Variants in ALG9 observed in about 807,000 individuals in gnomAD.
ALG9 encodes ALG9 alpha-1,2-mannosyltransferase.
ALG9 carries 55 observed loss-of-function variants against 81.8 expected under a neutral mutation model. The observed-to-expected ratio is 0.67, with a 90% CI of 0.54 to 0.84. The LOEUF is 0.84. Among genes scored for constraint, ALG9 ranks in the 40% least tolerant of loss-of-function variants. The probability of loss-of-function intolerance (pLI) is 0.00; values close to 1 mark genes in which losing one functional copy is unlikely to be tolerated. For synonymous variants in ALG9, 278 were observed against 274.3 expected (o/e 1.01, Z -0.13); for missense variants, 629 against 745.0 (o/e 0.84, Z 1.81).
At chr11:111,848,450 T>C (rs2136981925) in intron 8 of ALG9, among the ~76,000 whole-genome samples, 1 of 151,732 alleles carries the variant, frequency 6.6e-6, no homozygotes, top group East Asian at 1.9e-4. Flanking sequence ...ATTAGCTGGG[T>C]GTGGTGGTGC....
chr11:111,811,251 G>A (rs1429277781), intron 13 of ALG9, among the ~76,000 whole-genome samples: 1 of 151,988 alleles, frequency 6.6e-6, no homozygotes, highest in Non-Finnish European at 1.5e-5. Flanking sequence ...AAAAAGTATA[G>A]AATCTTATTG....
chr11:111,868,389 G>A (rs781814252), intron 3 of ALG9, among the ~76,000 whole-genome samples: 33 of 152,232 alleles, frequency 2.2e-4, no homozygotes, highest in Non-Finnish European at 4.1e-4. Flanking sequence ...TAAGTCAGGG[G>A]CTTGGTTACT....
Position 111,788,600 on chromosome 11 carries a change from C to G in ALG9, c.1734-2080G>C, listed in dbSNP as rs567349690. 21 of 382,720 alleles carry G rather than the reference C, an allele frequency of 5.5e-5. No homozygotes were observed. The East Asian group carries it at 8.6e-4, about 16-fold the overall frequency. 23.7% of individuals were successfully genotyped at this position (382,720 alleles called of 1,614,324 possible). Reference sequence around the variant, plus strand: ...TTTACAAAAAATGTTTAAAAATTAGCCTGGCAGGGTGGCACACACCCGCAG... The same window carrying G: ...TTTACAAAAAATGTTTAAAAATTAGGCTGGCAGGGTGGCACACACCCGCAG... On this transcript the variant is annotated intron_variant, in intron 14 of 14. Coordinates refer to ENST00000616540, the MANE Select transcript of ALG9 (RefSeq NM_024740.2).
rs78512174 is a variant in ALG9 at position 111,815,267 on chromosome 11, T to A, written c.1603-5494A>T. ...ATTTTTTTTAAAAATTGGCTCAGTG[T>A]GGTGGCTCGCACTTGTAGTCCTAGC... On this transcript the variant is annotated intron_variant, in intron 13 of 14. Transcript: ENST00000616540. 6.6e-3 allele frequency among the ~76,000 whole-genome samples: 1,001 copies of A among 152,250 alleles called. 6 individuals are homozygous for A. Among genetic ancestry groups the A allele is most frequent in the Middle Eastern group, 0.051 (15 of 294 alleles).
At chr11:111,798,669 G>C (rs1488473979) in intron 14 of ALG9, among the ~76,000 whole-genome samples, 5 of 152,212 alleles carry the variant, frequency 3.3e-5, no homozygotes, top group Non-Finnish European at 5.9e-5. Context: ...GGTCTAAAAA[G>C]TGATATTGTC....
At chr11:111,865,938 A>G (rs556818174) in intron 3 of ALG9, among the ~76,000 whole-genome samples, 2 of 152,330 alleles carry the variant, frequency 1.3e-5, no homozygotes, top group African/African-American at 4.8e-5. Context: ...AAGTAGCTTT[A>G]TACTACAGAA....
In ALG9 at chr11:111,842,595, A is replaced by G. The variant is rs73558062; in HGVS notation, c.1019-1786T>C. On this transcript the variant is annotated intron_variant, in intron 9 of 14. Transcript: ENST00000616540. Reference sequence around the variant, plus strand: ...CATCGCCATGCCCGGTTAATTTTTTAATTTTTTTCGTAGTGACAGGGTCTT... The same window carrying G: ...CATCGCCATGCCCGGTTAATTTTTTGATTTTTTTCGTAGTGACAGGGTCTT... Among the ~76,000 whole-genome samples, 1,463 of 151,242 alleles carry G rather than the reference A, an allele frequency of 9.7e-3. 38 individuals are homozygous for G. Among genetic ancestry groups the G allele is most frequent in the African/African-American group, 0.034 (1,403 of 41,198 alleles).
Position 111,840,707 on chromosome 11 carries a change from G to A in ALG9, c.1121C>T (p.Pro374Leu), listed in dbSNP as rs1555122890. The A allele has an allele frequency of 6.2e-7, 1 of 1,614,036 alleles. No homozygotes were observed. ...QPHKEERFLF[P>L]VYPLICLCGA... is the part of the protein sequence containing the mutation. The stretch of plus-strand genomic sequence containing the variant: ...ACAGAGACATATAAGTGGATACACA[G>A]GGAAAAGAAATCTCTCCTCTTTGTG... The change falls in exon 10 of 15, where the codon CCT (proline) becomes CTT (leucine). Residue 374 changes from proline to leucine, a missense_variant. By Grantham distance (98) the Pro-to-Leu change is moderately conservative. Around this residue, in one of 3 missense-constraint regions of ALG9, gnomAD observed 264 missense variants for 302.2 expected, o/e 0.87. Transcript: ENST00000616540.
At chr11:111,803,979 C>T (rs1203264836) in intron 14 of ALG9, among the ~76,000 whole-genome samples, 1 of 151,226 alleles carries the variant, frequency 6.6e-6, no homozygotes, top group Non-Finnish European at 1.5e-5. Flanking sequence ...CTAAAAATAC[C>T]AAAATGAGCT....
intron 5 of ALG9, among the ~76,000 whole-genome samples, chr11:111,858,503 G>A (rs1190570042): frequency 2.0e-5 from 3 of 152,170 alleles, no homozygotes; most frequent in Non-Finnish European, 2.9e-5. Context: ...GCCTCCTCAA[G>A]GGCCAGATAT....
At position 111,782,853 on chromosome 11, in the gene ALG9, G is replaced by C. The variant is rs1278721457; in HGVS notation, c.*3544C>G. The C allele has an allele frequency of 1.3e-5, 2 of 152,112 alleles. No individual in the cohort carries two copies. Among genetic ancestry groups the C allele is most frequent in the Non-Finnish European group, 2.9e-5 (2 of 68,014 alleles). The allele number at this position is 152,112 out of a possible 1,614,324, so 9.4% of individuals were successfully genotyped here. On this transcript the variant is annotated 3_prime_UTR_variant, in exon 15 of 15. Coordinates refer to ENST00000616540, the MANE Select transcript of ALG9 (RefSeq NM_024740.2). The stretch of plus-strand genomic sequence containing the variant: ...GACCCAGATAAATGATTGGGATAAA[G>C]ACCCATCATGATTTAAAACAAAGGG...
At chr11:111,819,028 A>C (rs1490813679) in intron 13 of ALG9, among the ~76,000 whole-genome samples, 1 of 152,244 alleles carries the variant, frequency 6.6e-6, no homozygotes, top group Non-Finnish European at 1.5e-5. Flanking sequence ...AGAAGTACAC[A>C]GTTTTGAAAA....
At chr11:111,857,767 G>A (rs1958935192) in intron 5 of ALG9, 30 bp from the exon 6 acceptor site, 1 of 1,613,090 alleles carries the variant, frequency 6.2e-7, no homozygotes, top group Admixed American at 1.7e-5. Flanking sequence ...AAAAAAGGCA[G>A]GAGGACAAGA....
chr11:111,840,875 T>C (rs1328205865), intron 9 of ALG9, 66 bp from the exon 10 acceptor site: 1 of 1,592,416 alleles, frequency 6.3e-7, no homozygotes, highest in East Asian at 2.2e-5. Context: ...TTAGTTTTAG[T>C]GTTATCTTGA....
chr11:111,805,119 C>A, intron 14 of ALG9: 1 of 360,332 alleles, frequency 2.8e-6, no homozygotes, highest in Admixed American at 3.7e-5. Context: ...TGGAGGTGGG[C>A]CTTTGGAAGG....
chr11:111,785,006 T>C lies in ALG9; in HGVS notation c.*1391A>G, dbSNP rs1355547552. On this transcript the variant is annotated 3_prime_UTR_variant, in exon 15 of 15. Coordinates refer to ENST00000616540, the MANE Select transcript of ALG9 (RefSeq NM_024740.2). ...CAAAGAACTCAAATACAGACACAATTCTTCCTTAAAATAGAAAGTTACAAT... is the reference window on the plus strand; with the variant it reads ...CAAAGAACTCAAATACAGACACAATCCTTCCTTAAAATAGAAAGTTACAAT... 2 of 152,656 alleles carry C rather than the reference T, an allele frequency of 1.3e-5. No individual in the cohort carries two copies. The highest frequency in any genetic ancestry group is 2.9e-5 in the Non-Finnish European group (2 of 68,046). 9.5% of individuals were successfully genotyped at this position (152,656 alleles called of 1,614,324 possible).
chr11:111,773,075 TAA>T, the ALG9 span, among the ~76,000 whole-genome samples: 1 of 143,866 alleles, frequency 7.0e-6, no homozygotes, highest in African/African-American at 2.5e-5. Flanking sequence ...CCTCTCTACT[TAA>T]AAAAAAAAAA....
intron 5 of ALG9, 135 bp from the exon 6 acceptor site, chr11:111,857,872 T>C (rs1239111281): frequency 1.1e-5 from 11 of 996,592 alleles, no homozygotes; most frequent in African/African-American, 4.8e-5. Context: ...GGAAATGCTA[T>C]ATTAGAAAGG....
At chr11:111,863,835 T>C (rs1039432715) in intron 4 of ALG9, among the ~76,000 whole-genome samples, 4 of 152,218 alleles carry the variant, frequency 2.6e-5, no homozygotes, top group East Asian at 1.9e-4. Context: ...AGGCAAATCA[T>C]GATCCTGTAT....
Sources: allele counts gnomAD v4.1 joint callset (sites outside exome capture counted in the v4.1 genomes callset), GRCh38; gene constraint gnomAD v4.1.1; regional missense constraint gnomAD v4.1.1; transcripts MANE v1.5; gene names NCBI Gene and HGNC (gene_info 2026-07-23, HGNC 2026-07-21).